PTPRR: variants seen among roughly 807,000 people sequenced by gnomAD.
PTPRR encodes the protein protein tyrosine phosphatase receptor type R, also known as receptor-type tyrosine-protein phosphatase R.
In PTPRR, 38 loss-of-function variants were observed where a neutral mutation model predicts 77.2. The ratio of observed to expected loss-of-function variants is 0.49; its 90% CI spans 0.38 to 0.65. The LOEUF (loss-of-function observed/expected upper bound fraction) is 0.65. Among genes scored for constraint, PTPRR ranks in the 30% least tolerant of loss-of-function variants. PTPRR has a pLI of 0.00. For missense variants in PTPRR, 744 were observed against 799.2 expected (o/e 0.93, Z 0.83); for synonymous variants, 299 against 283.1 (o/e 1.06, Z -0.57).
chr12:70,764,324 G>T, intron 3 of PTPRR, among the ~76,000 whole-genome samples: 1 of 152,084 alleles, frequency 6.6e-6, no homozygotes, highest in East Asian at 1.9e-4. Flanking sequence ...GTGTCAGGTT[G>T]GTAAGGCAAG....
Position 70,754,196 on chromosome 12 carries a change from A to G in PTPRR, c.733T>C (p.Leu245=). The G allele has an allele frequency of 6.2e-7, 1 of 1,612,768 alleles. No individual in the cohort carries two copies. Among genetic ancestry groups the G allele is most frequent in the Non-Finnish European group, 8.5e-7 (1 of 1,179,554 alleles). Residue 245 remains leucine (L), a synonymous_variant, in exon 5 of 14, where the codon TTG becomes CTG. Transcript: ENST00000283228. ...LSIFVIIVTC[L]MILYRLKERF... is the part of the protein sequence containing the mutation. Reference sequence around the variant, plus strand: ...ATACAAAGAAGCAAACTTACCATCAAACACGTTACTATAATAACAAAGATG... The same window carrying G: ...ATACAAAGAAGCAAACTTACCATCAGACACGTTACTATAATAACAAAGATG...
At chr12:70,886,958 A>G (rs115764444) in intron 2 of PTPRR, among the ~76,000 whole-genome samples, 33 of 152,362 alleles carry the variant, frequency 2.2e-4, no homozygotes, top group African/African-American at 7.5e-4. Context: ...ATAAGTACTA[A>G]GAAGAAAAAT....
At chr12:70,715,823 C>T (rs1889005963) in intron 6 of PTPRR, among the ~76,000 whole-genome samples, 1 of 152,126 alleles carries the variant, frequency 6.6e-6, no homozygotes, top group Admixed American at 6.6e-5. Context: ...CACAGGTACT[C>T]TACAATTTGT....
chr12:70,668,862 C>T (rs1887109817), intron 10 of PTPRR, among the ~76,000 whole-genome samples: 1 of 152,018 alleles, frequency 6.6e-6, no homozygotes, highest in Non-Finnish European at 1.5e-5. Context: ...TGCTCAGTTG[C>T]TTAGTCAATA....
At chr12:70,754,908 G>A (rs1890523894) in intron 4 of PTPRR, 2 of 520,678 alleles carry the variant, frequency 3.8e-6, no homozygotes, top group Admixed American at 3.7e-5. Flanking sequence ...TTTTTCTAAA[G>A]TAATACGGAA....
At chr12:70,907,154 T>C (rs1271887412) in intron 1 of PTPRR, 1 of 152,194 alleles carries the variant, frequency 6.6e-6, no homozygotes, top group Non-Finnish European at 1.5e-5. Context: ...TTATTTAAAC[T>C]CTCCACATAT....
chr12:70,802,838 T>C (rs948068596), intron 2 of PTPRR, among the ~76,000 whole-genome samples: 3 of 152,220 alleles, frequency 2.0e-5, no homozygotes, highest in Admixed American at 2.0e-4. Flanking sequence ...CAGTATTGAA[T>C]AAAATTTCTT....
intron 2 of PTPRR, among the ~76,000 whole-genome samples, chr12:70,854,514 G>T (rs1187231159): frequency 6.6e-6 from 1 of 152,154 alleles, no homozygotes; most frequent in Non-Finnish European, 1.5e-5. Flanking sequence ...ATGCAAACAT[G>T]GCATTCTCAG....
intron 2 of PTPRR, among the ~76,000 whole-genome samples, chr12:70,840,665 G>T (rs914426632): frequency 3.9e-5 from 6 of 152,094 alleles, no homozygotes; most frequent in Admixed American, 3.9e-4. Flanking sequence ...ACATGAGAGG[G>T]TTAAAAATGA....
At chr12:70,789,579 AG>A (rs1374713387) in intron 2 of PTPRR, among the ~76,000 whole-genome samples, 3 of 152,064 alleles carry the variant, frequency 2.0e-5, no homozygotes, top group African/African-American at 7.2e-5. Context: ...TTGAACCCTG[AG>A]GGATTTCAGA....
intron 2 of PTPRR, among the ~76,000 whole-genome samples, chr12:70,847,849 G>T (rs891848080): frequency 3.3e-5 from 5 of 152,082 alleles, no homozygotes; most frequent in African/African-American, 4.8e-5. Flanking sequence ...GTATTTGTTC[G>T]ACTTTTTGGT....
intron 2 of PTPRR, among the ~76,000 whole-genome samples, chr12:70,811,337 T>TG (rs1891804851): frequency 6.6e-6 from 1 of 152,216 alleles, no homozygotes; most frequent in South Asian, 2.1e-4. Context: ...TGAAATTCTT[T>TG]GGGCAGCTTT....
At chr12:70,672,248 G>A in intron 10 of PTPRR, 1 of 1,591,448 alleles carries the variant, frequency 6.3e-7, no homozygotes, top group South Asian at 1.1e-5. Flanking sequence ...GGTGGTGTGT[G>A]TGGGCATGAA....
At chr12:70,867,437 T>G (rs1241149342) in intron 2 of PTPRR, among the ~76,000 whole-genome samples, 1 of 152,030 alleles carries the variant, frequency 6.6e-6, no homozygotes, top group Non-Finnish European at 1.5e-5. Flanking sequence ...CCATTCACAA[T>G]TGCTTCAAAG....
At chr12:70,807,444 T>G (rs1207044476) in intron 2 of PTPRR, among the ~76,000 whole-genome samples, 1 of 152,176 alleles carries the variant, frequency 6.6e-6, no homozygotes, top group Non-Finnish European at 1.5e-5. Flanking sequence ...TTATTCCTCT[T>G]CACGAAATTT....
At chr12:70,794,481 T>C (rs1229351654) in intron 2 of PTPRR, among the ~76,000 whole-genome samples, 1 of 152,182 alleles carries the variant, frequency 6.6e-6, no homozygotes, top group African/African-American at 2.4e-5. Flanking sequence ...GGAAGAGGAA[T>C]GTAGATCAAA....
At chr12:70,841,122 G>A (rs1415824465) in intron 2 of PTPRR, among the ~76,000 whole-genome samples, 1 of 151,618 alleles carries the variant, frequency 6.6e-6, no homozygotes, top group Non-Finnish European at 1.5e-5. Context: ...AAAGCCATAT[G>A]GTCAGAAATT....
chr12:70,681,355 G>T (rs1887651750), intron 10 of PTPRR, among the ~76,000 whole-genome samples: 1 of 152,222 alleles, frequency 6.6e-6, no homozygotes. Flanking sequence ...GGGCATTGCA[G>T]CCATGTGGCT....
chr12:70,668,824 ACT>A (rs1037098458), intron 10 of PTPRR, among the ~76,000 whole-genome samples: 6 of 152,074 alleles, frequency 3.9e-5, no homozygotes, highest in African/African-American at 2.4e-5. Flanking sequence ...AAATAAAGAA[ACT>A]CTTTTGTAAA....
Sources: gnomAD v4.1 joint callset for allele counts (sites outside exome capture counted in the v4.1 genomes callset) on GRCh38, gnomAD v4.1.1 for gene constraint, MANE v1.5 for transcripts, NCBI Gene and HGNC (gene_info 2026-07-23, HGNC 2026-07-21) for gene names.